The following NAALADL2 variants were observed in gnomAD, a reference collection of about 807,000 sequenced individuals.
NAALADL2 encodes inactive N-acetylated-alpha-linked acidic dipeptidase-like protein 2.
Under a neutral mutation model 87.2 loss-of-function variants are expected in NAALADL2, and 76 were observed. The observed-to-expected ratio is 0.87, with a 90% CI of 0.72 to 1.05. The LOEUF (loss-of-function observed/expected upper bound fraction) is 1.05, where lower values mean the gene tolerates loss of function less well. Ranked by LOEUF, NAALADL2 falls within the 50% of genes least tolerant of loss-of-function variation. NAALADL2 has a pLI of 0.00. For missense variants in NAALADL2, 1,089 were observed against 945.8 expected (o/e 1.15, Z -1.99); for synonymous variants, 354 against 331.0 (o/e 1.07, Z -0.75).
At chr3:174,959,170 A>G (rs1701478305) in intron 1 of NAALADL2, among the ~76,000 whole-genome samples, 2 of 151,954 alleles carry the variant, frequency 1.3e-5, no homozygotes. Flanking sequence ...GTTTGTAAAA[A>G]CCAGGCCAAT....
At chr3:174,737,813 C>T (rs997379372) in intron 3 of NAALADL2, 7 of 152,122 alleles carry the variant, frequency 4.6e-5, no homozygotes, top group Admixed American at 1.3e-4. Context: ...AATAAGGTGA[C>T]TTCATGTATT....
intron 1 of NAALADL2, among the ~76,000 whole-genome samples, chr3:174,912,631 T>C (rs149758141): frequency 2.0e-5 from 3 of 152,292 alleles, no homozygotes; most frequent in Non-Finnish European, 4.4e-5. Context: ...CCTGATTAAT[T>C]TATGCAACTT....
intron 11 of NAALADL2, chr3:175,718,787 CA>C: frequency 1.4e-6 from 1 of 738,168 alleles, no homozygotes; most frequent in East Asian, 2.7e-5. Flanking sequence ...ATTAGCCAAG[CA>C]TGGTGACGCA....
intron 1 of NAALADL2, among the ~76,000 whole-genome samples, chr3:175,091,292 C>T (rs148103022): frequency 9.5e-4 from 145 of 152,164 alleles, no homozygotes; most frequent in African/African-American, 3.4e-3. Flanking sequence ...TTTGATGATG[C>T]CCTGACATTT....
At chr3:175,632,334 C>G (rs1379255264) in intron 11 of NAALADL2, among the ~76,000 whole-genome samples, 1 of 150,256 alleles carries the variant, frequency 6.7e-6, no homozygotes, top group African/African-American at 2.5e-5. Context: ...GTAAGATACA[C>G]TTGCTTCCCC....
chr3:175,500,143 T>A (rs1261374533), intron 9 of NAALADL2, among the ~76,000 whole-genome samples: 1 of 152,034 alleles, frequency 6.6e-6, no homozygotes, highest in Non-Finnish European at 1.5e-5. Flanking sequence ...TTATTCTACC[T>A]CCTAGAATCA....
At chr3:174,753,752 C>T (rs145704853) in intron 3 of NAALADL2, among the ~76,000 whole-genome samples, 1 of 152,298 alleles carries the variant, frequency 6.6e-6, no homozygotes, top group Non-Finnish European at 1.5e-5. Context: ...CCACTATGCA[C>T]TGAATTGTGT....
chr3:174,606,997 G>A (rs1413988321), intron 2 of NAALADL2, among the ~76,000 whole-genome samples: 1 of 152,182 alleles, frequency 6.6e-6, no homozygotes, highest in Non-Finnish European at 1.5e-5. Flanking sequence ...CCAGAAGAGA[G>A]TGGGGGCCAA....
intron 9 of NAALADL2, among the ~76,000 whole-genome samples, chr3:175,523,581 G>C (rs942280183): frequency 6.6e-6 from 1 of 152,212 alleles, no homozygotes; most frequent in Non-Finnish European, 1.5e-5. Context: ...CGCACGGCAA[G>C]TTACTTCTCT....
chr3:175,354,732 T>C (rs1764152330), intron 5 of NAALADL2, among the ~76,000 whole-genome samples: 1 of 151,946 alleles, frequency 6.6e-6, no homozygotes, highest in African/African-American at 2.4e-5. Context: ...TAACTCACTG[T>C]AGCCTCTAAC....
chr3:175,179,645 G>C (rs372366244), intron 2 of NAALADL2, among the ~76,000 whole-genome samples: 13 of 152,000 alleles, frequency 8.6e-5, no homozygotes, highest in African/African-American at 3.1e-4. Context: ...TTATTTGTAG[G>C]TTCCATAGAC....
chr3:174,473,364 A>G (rs1252646094), intron 1 of NAALADL2, among the ~76,000 whole-genome samples: 1 of 152,146 alleles, frequency 6.6e-6, no homozygotes, highest in Non-Finnish European at 1.5e-5. Flanking sequence ...GTGTATCTCC[A>G]TACTCACTTT....
chr3:175,799,876 C>T (rs568564873), intron 13 of NAALADL2, among the ~76,000 whole-genome samples: 8 of 152,124 alleles, frequency 5.3e-5, no homozygotes, highest in South Asian at 2.1e-4. Flanking sequence ...TTCTGAAAAT[C>T]GCTTTAATGT....
At chr3:174,838,867 CACA>C (rs1476867418) in intron 3 of NAALADL2, among the ~76,000 whole-genome samples, 1 of 152,040 alleles carries the variant, frequency 6.6e-6, no homozygotes, top group Non-Finnish European at 1.5e-5. Context: ...CAAATGGAAA[CACA>C]TCCCAAGCTC....
chr3:175,433,271 T>A (rs932968181), intron 5 of NAALADL2, among the ~76,000 whole-genome samples: 1 of 152,046 alleles, frequency 6.6e-6, no homozygotes, highest in Non-Finnish European at 1.5e-5. Flanking sequence ...CAGTGTTGAC[T>A]AAGAATGACA....
At position 175,324,164 on chromosome 3, in the gene NAALADL2, C is replaced by T. The variant is rs543222157; in HGVS notation, c.940-11C>T. On this transcript the variant is annotated splice_polypyrimidine_tract_variant and intron_variant, in intron 4 of 13. Transcript: ENST00000454872. Reference sequence around the variant, plus strand: ...TGATAATATTTTTAATAGCTTGCTTCCCTCTTTTAGCTTTCCTCATTGGAA... The same window carrying T: ...TGATAATATTTTTAATAGCTTGCTTTCCTCTTTTAGCTTTCCTCATTGGAA... 2 of 1,610,570 alleles carry T rather than the reference C, an allele frequency of 1.2e-6. No homozygotes were observed. The highest frequency in any genetic ancestry group is 1.3e-5 in the African/African-American group (1 of 74,766).
intron 3 of NAALADL2, among the ~76,000 whole-genome samples, chr3:174,846,684 C>A (rs1052203187): frequency 6.6e-6 from 1 of 152,004 alleles, no homozygotes; most frequent in South Asian, 2.1e-4. Flanking sequence ...ATTAAGTACA[C>A]TTGGGGACAT....
chr3:175,473,607 T>A (rs547562554), intron 9 of NAALADL2, among the ~76,000 whole-genome samples: 11 of 151,818 alleles, frequency 7.2e-5, no homozygotes, highest in East Asian at 1.9e-4. Flanking sequence ...ATCACATTTT[T>A]AAAAAATTAT....
intron 3 of NAALADL2, among the ~76,000 whole-genome samples, chr3:174,779,114 A>C (rs1715603449): frequency 6.6e-6 from 1 of 152,196 alleles, no homozygotes; most frequent in South Asian, 2.1e-4. Context: ...AAGTGTTCCT[A>C]TTTTTCCACA....
Sources: gnomAD v4.1 joint callset for allele counts (sites outside exome capture counted in the v4.1 genomes callset) on GRCh38, gnomAD v4.1.1 for gene constraint, MANE v1.5 for transcripts, NCBI Gene and HGNC (gene_info 2026-07-23, HGNC 2026-07-21) for gene names.